Variants in OSBPL1A observed in about 807,000 individuals in gnomAD.
OSBPL1A encodes oxysterol-binding protein-related protein 1.
In OSBPL1A, 80 loss-of-function variants were observed where a neutral mutation model predicts 137.1. The ratio of observed to expected loss-of-function variants is 0.58; its 90% CI spans 0.49 to 0.70. OSBPL1A has a LOEUF of 0.70. OSBPL1A is among the 30% of genes least tolerant of loss of function. OSBPL1A has a pLI of 0.00. For missense variants in OSBPL1A, 970 were observed against 1,129.4 expected, an observed-to-expected ratio of 0.86 and a Z score of 2.02; for synonymous variants, 365 against 389.7, an observed-to-expected ratio of 0.94 and a Z score of 0.75.
chr18:24,312,627 C>T (rs1292168002), intron 12 of OSBPL1A, among the ~76,000 whole-genome samples: 1 of 152,074 alleles, frequency 6.6e-6, no homozygotes, highest in African/African-American at 2.4e-5. Flanking sequence ...AATGTTTGGC[C>T]TAAAAATACC....
At chr18:24,174,061 G>A (rs184184466) in intron 21 of OSBPL1A, among the ~76,000 whole-genome samples, 1 of 152,150 alleles carries the variant, frequency 6.6e-6, no homozygotes, top group Non-Finnish European at 1.5e-5. Context: ...GTTGTTCTAC[G>A]TATCAGTCTT....
intron 2 of OSBPL1A, among the ~76,000 whole-genome samples, chr18:24,376,072 T>C (rs1305655915): frequency 6.6e-6 from 1 of 152,132 alleles, no homozygotes; most frequent in Non-Finnish European, 1.5e-5. Context: ...GCAAGATTTA[T>C]TGCGAAGAGC....
At chr18:24,273,079 G>C (rs914580898) in intron 15 of OSBPL1A, among the ~76,000 whole-genome samples, 2 of 151,974 alleles carry the variant, frequency 1.3e-5, no homozygotes, top group Non-Finnish European at 2.9e-5. Flanking sequence ...CTAATTTTTT[G>C]TATTTTTAGT....
intron 15 of OSBPL1A, among the ~76,000 whole-genome samples, chr18:24,265,352 C>T (rs1430962474): frequency 5.9e-5 from 9 of 152,096 alleles, no homozygotes; most frequent in African/African-American, 1.7e-4. Flanking sequence ...TGGTGGCATG[C>T]GCCTGTAGTC....
intron 22 of OSBPL1A, among the ~76,000 whole-genome samples, 162 bp from the exon 23 acceptor site, chr18:24,171,660 T>C (rs962749395): frequency 2.6e-5 from 4 of 152,192 alleles, no homozygotes; most frequent in African/African-American, 2.4e-5. Flanking sequence ...ATTGGTAATC[T>C]TCCCACCATA....
intron 18 of OSBPL1A, among the ~76,000 whole-genome samples, chr18:24,191,144 C>T (rs1024198600): frequency 1.3e-5 from 2 of 151,484 alleles, no homozygotes; most frequent in Admixed American, 6.6e-5. Context: ...GGTGTATTTC[C>T]CAGAGGCCAA....
chr18:24,232,069 C>T (rs953592499), intron 16 of OSBPL1A, among the ~76,000 whole-genome samples: 24 of 152,150 alleles, frequency 1.6e-4, no homozygotes, highest in African/African-American at 5.8e-4. Context: ...TTTACGGTTT[C>T]CCACGTACCA....
At chr18:24,288,859 G>C (rs563404947) in intron 14 of OSBPL1A, among the ~76,000 whole-genome samples, 3 of 152,184 alleles carry the variant, frequency 2.0e-5, no homozygotes, top group African/African-American at 7.2e-5. Context: ...TAGCATAATG[G>C]TAGGGGGACA....
At chr18:24,356,275 G>C (rs1400569485) in intron 4 of OSBPL1A, among the ~76,000 whole-genome samples, 5 of 152,198 alleles carry the variant, frequency 3.3e-5, no homozygotes, top group African/African-American at 7.2e-5. Flanking sequence ...AGATCCTCCA[G>C]GGAAAGATTC....
At chr18:24,215,425 A>T (rs1283965581) in intron 17 of OSBPL1A, among the ~76,000 whole-genome samples, 1 of 152,110 alleles carries the variant, frequency 6.6e-6, no homozygotes, top group Non-Finnish European at 1.5e-5. Flanking sequence ...TATAAACCAA[A>T]TTTTTCTGAG....
intron 13 of OSBPL1A, among the ~76,000 whole-genome samples, chr18:24,310,532 G>A (rs1167483810): frequency 6.7e-6 from 1 of 149,118 alleles, no homozygotes; most frequent in East Asian, 2.0e-4. Flanking sequence ...AACCCTGGAG[G>A]TGGAACTTGC....
chr18:24,308,770 G>T (rs377051311), intron 13 of OSBPL1A, among the ~76,000 whole-genome samples: 4 of 148,864 alleles, frequency 2.7e-5, no homozygotes, highest in African/African-American at 9.7e-5. Flanking sequence ...ATGAACAACT[G>T]AATTTTTTTT....
chr18:24,318,024 A>C (rs1468190369), intron 9 of OSBPL1A, among the ~76,000 whole-genome samples: 2 of 151,960 alleles, frequency 1.3e-5, no homozygotes, highest in Non-Finnish European at 2.9e-5. Context: ...TTTTCCCCCC[A>C]CTCCTTTTCA....
chr18:24,304,142 T>C (rs550278921), intron 13 of OSBPL1A, among the ~76,000 whole-genome samples: 1 of 152,278 alleles, frequency 6.6e-6, no homozygotes, highest in East Asian at 1.9e-4. Flanking sequence ...AAAATCCAGA[T>C]GGTCCTAACA....
At chr18:24,175,459 A>G (rs899767193) in intron 21 of OSBPL1A, among the ~76,000 whole-genome samples, 1 of 152,066 alleles carries the variant, frequency 6.6e-6, no homozygotes, top group Non-Finnish European at 1.5e-5. Flanking sequence ...AAGTGCTGGG[A>G]TTACAGGCAT....
chr18:24,313,654 A>G (rs1377897416), intron 12 of OSBPL1A, among the ~76,000 whole-genome samples: 4 of 152,174 alleles, frequency 2.6e-5, no homozygotes, highest in African/African-American at 9.7e-5. Context: ...TTCCTCACCT[A>G]TAAGTTAAGG....
chr18:24,238,973 C>G (rs1398148385), intron 16 of OSBPL1A, among the ~76,000 whole-genome samples: 4 of 152,244 alleles, frequency 2.6e-5, no homozygotes, highest in Admixed American at 6.5e-5. Flanking sequence ...GCACTCTAAC[C>G]TAGCCTAGAA....
At chr18:24,199,544 C>T (rs186858100) in intron 17 of OSBPL1A, among the ~76,000 whole-genome samples, 2 of 152,300 alleles carry the variant, frequency 1.3e-5, no homozygotes, top group East Asian at 1.9e-4. Flanking sequence ...CTGTCTACTG[C>T]TGTGGCCCTG....
chr18:24,393,265 G>A (rs1285148399), intron 1 of OSBPL1A, among the ~76,000 whole-genome samples: 1 of 152,104 alleles, frequency 6.6e-6, no homozygotes, highest in Non-Finnish European at 1.5e-5. Flanking sequence ...ATAAACAAAT[G>A]CATTTTTTGC....
Sources: gnomAD v4.1 joint callset for allele counts (sites outside exome capture counted in the v4.1 genomes callset) on GRCh38, gnomAD v4.1.1 for gene constraint, MANE v1.5 for transcripts, NCBI Gene and HGNC (gene_info 2026-07-23, HGNC 2026-07-21) for gene names.